The following TMCC3 variants were observed in gnomAD, a reference collection of about 807,000 sequenced individuals.
TMCC3 encodes transmembrane and coiled-coil domain family 3.
Under a neutral mutation model 40.2 loss-of-function variants are expected in TMCC3, and 28 were observed. The ratio of observed to expected loss-of-function variants is 0.70; its 90% CI spans 0.52 to 0.95. The LOEUF (loss-of-function observed/expected upper bound fraction) is 0.95, where lower values mean the gene tolerates loss of function less well. TMCC3 is among the 40% of genes least tolerant of loss of function. The pLI, the probability that TMCC3 is intolerant of heterozygous loss-of-function variation, is 0.00. For synonymous variants in TMCC3, 255 were observed against 248.5 expected (o/e 1.03, Z -0.25); for missense variants, 554 against 615.2 (o/e 0.90, Z 1.05).
At chr12:94,596,047 C>T (rs1193998350) in intron 1 of TMCC3, among the ~76,000 whole-genome samples, 1 of 152,152 alleles carries the variant, frequency 6.6e-6, no homozygotes, top group East Asian at 1.9e-4. Context: ...ATACCCTGTT[C>T]TCTCCCAAAG....
intron 1 of TMCC3, chr12:94,610,132 ACT>A (rs1350266796): frequency 1.3e-5 from 2 of 152,144 alleles, no homozygotes; most frequent in Admixed American, 6.5e-5. Context: ...GCAACGACCT[ACT>A]CTGTATAAGG....
At chr12:94,594,749 C>G (rs2068705445) in intron 1 of TMCC3, among the ~76,000 whole-genome samples, 1 of 152,196 alleles carries the variant, frequency 6.6e-6, no homozygotes, top group South Asian at 2.1e-4. Flanking sequence ...CTGCCCTGCC[C>G]TGGCAGCCCA....
intron 1 of TMCC3, among the ~76,000 whole-genome samples, chr12:94,635,149 C>T (rs1411176562): frequency 6.6e-6 from 1 of 152,180 alleles, no homozygotes; most frequent in Non-Finnish European, 1.5e-5. Flanking sequence ...CAGATCGTTA[C>T]CTACAAATCA....
intron 1 of TMCC3, chr12:94,598,887 C>A: frequency 1.6e-6 from 1 of 610,744 alleles, no homozygotes; most frequent in Non-Finnish European, 2.1e-6. Flanking sequence ...GAACCTAAGT[C>A]TGTATTTGGG....
rs776785787 is a variant in TMCC3, at chr12:94,571,404, TGAAA to T, written c.*27_*30del. On this transcript the variant is annotated 3_prime_UTR_variant, in exon 4 of 4. Transcript: ENST00000261226. ...CAGAGTTTTCTTTAAAATAAAAACTTGAAAGAACTTGAAGGCAGGAACCAGTGGC... is the reference window on the plus strand; with the variant it reads ...CAGAGTTTTCTTTAAAATAAAAACTTGAACTTGAAGGCAGGAACCAGTGGC... 73 of 1,595,024 alleles carry T rather than the reference TGAAA, an allele frequency of 4.6e-5. No homozygotes were observed. Among genetic ancestry groups the T allele is most frequent in the Admixed American group, 3.6e-4 (21 of 57,610 alleles).
At chr12:94,582,965 C>CTTT (rs753900771) in intron 1 of TMCC3, among the ~76,000 whole-genome samples, 9 of 59,950 alleles carry the variant, frequency 1.5e-4, no homozygotes, top group Middle Eastern at 9.4e-3. Context: ...GAAGGAGAAT[C>CTTT]TTTTTTTTTT....
chr12:94,630,760 G>A (rs372581046), intron 1 of TMCC3, among the ~76,000 whole-genome samples: 4 of 152,090 alleles, frequency 2.6e-5, no homozygotes, highest in East Asian at 1.9e-4. Context: ...GCAAAGTCTC[G>A]CTCTGTCGCC....
intron 1 of TMCC3, among the ~76,000 whole-genome samples, chr12:94,637,772 T>C (rs1179743035): frequency 1.3e-5 from 2 of 152,212 alleles, no homozygotes; most frequent in Non-Finnish European, 2.9e-5. Context: ...GGGGATCCTG[T>C]GCAGCAATTA....
chr12:94,582,169 T>C lies in TMCC3; in HGVS notation c.448A>G (p.Arg150Gly), dbSNP rs2068607464. ...LREIEQNGAS[R>G]SSKDISKDHL... ...TCTTTGGAAATGTCCTTTGAGCTCC[T>C]AGAGGCTCCATTCTGCTCGATCTCT... Residue 150 changes from arginine (R) to glycine (G), a missense_variant, in exon 2 of 4, where the codon AGG (arginine) becomes GGG (glycine). Physicochemically the swap from Arg to Gly is moderately radical, Grantham distance 125. Coordinates refer to ENST00000261226, the MANE Select transcript of TMCC3 (RefSeq NM_020698.4). The C allele has an allele frequency of 1.2e-6, 2 of 1,614,044 alleles. No individual in the cohort carries two copies. The highest frequency in any genetic ancestry group is 1.7e-6 in the Non-Finnish European group (2 of 1,180,028).
chr12:94,584,336 G>A (rs993442690), intron 1 of TMCC3, among the ~76,000 whole-genome samples: 1 of 152,212 alleles, frequency 6.6e-6, no homozygotes, highest in Admixed American at 6.5e-5. Context: ...CTCCCGCTCT[G>A]CCTTCCACCA....
Position 94,621,433 on chromosome 12 carries a change from C to T in TMCC3, c.78+28920G>A, listed in dbSNP as rs182965280. Among the ~76,000 whole-genome samples, 45 of 152,306 alleles carry T rather than the reference C, an allele frequency of 3.0e-4. No homozygotes were observed. The East Asian group carries it at 6.9e-3, about 24-fold the overall frequency. ...ATCTGACAGCCGCCTTTCTACCTCCCACCTCCACCCCATTCTTATGTCCAA... is the reference window on the plus strand; with the variant it reads ...ATCTGACAGCCGCCTTTCTACCTCCTACCTCCACCCCATTCTTATGTCCAA... On this transcript the variant is annotated intron_variant, in intron 1 of 3. Transcript: ENST00000261226.
intron 1 of TMCC3, among the ~76,000 whole-genome samples, chr12:94,630,675 T>C (rs78266336): frequency 0.018 from 2,720 of 152,320 alleles, 52 homozygotes; most frequent in East Asian, 0.073. Flanking sequence ...TGGCACTTTT[T>C]AAACAAAAAT....
chr12:94,573,413 G>T (rs533286346), intron 3 of TMCC3, among the ~76,000 whole-genome samples: 1 of 152,216 alleles, frequency 6.6e-6, no homozygotes, highest in African/African-American at 2.4e-5. Flanking sequence ...CACCCAAGCG[G>T]TCTTTTAAGG....
chr12:94,635,520 CACTT>C (rs1406893828), intron 1 of TMCC3, among the ~76,000 whole-genome samples: 2 of 152,192 alleles, frequency 1.3e-5, no homozygotes, highest in African/African-American at 4.8e-5. Flanking sequence ...TGAGAGGTAA[CACTT>C]AGTTCAAAAG....
intron 3 of TMCC3, among the ~76,000 whole-genome samples, chr12:94,574,555 A>C (rs1343824612): frequency 6.6e-6 from 1 of 152,224 alleles, no homozygotes; most frequent in East Asian, 1.9e-4. Flanking sequence ...GGTTTTAAAC[A>C]AGAATAATGG....
chr12:94,594,232 C>CACACACACACAGAG lies in TMCC3; in HGVS notation c.79-11695_79-11694insCTCTGTGTGTGTGT, dbSNP rs1446763750. On this transcript the variant is annotated intron_variant, in intron 1 of 3. Transcript: ENST00000261226. Reference sequence around the variant, plus strand: ...ATATATATATACACACACACACACACAGAGTGAGAGAGAGAGAGGTCTCTC... The same window carrying CACACACACACAGAG: ...ATATATATATACACACACACACACACACACACACACAGAGAGAGTGAGAGAGAGAGAGGTCTCTC... Among the ~76,000 whole-genome samples, 143 of 147,728 alleles carry CACACACACACAGAG rather than the reference C, an allele frequency of 9.7e-4. 1 individual carries two copies. The highest frequency in any genetic ancestry group is 3.6e-3 in the African/African-American group (138 of 37,938).
intron 1 of TMCC3, among the ~76,000 whole-genome samples, chr12:94,624,080 C>T (rs1469546218): frequency 3.3e-5 from 5 of 152,174 alleles, no homozygotes; most frequent in Non-Finnish European, 5.9e-5. Context: ...AACTGCAATA[C>T]GATACCACTT....
intron 1 of TMCC3, among the ~76,000 whole-genome samples, chr12:94,595,561 A>AT (rs1314140227): frequency 6.6e-6 from 1 of 152,178 alleles, no homozygotes; most frequent in Non-Finnish European, 1.5e-5. Flanking sequence ...GGTTTCATTT[A>AT]TTTTTTGGTA....
Position 94,568,340 on chromosome 12 carries a change from T to A in TMCC3, c.*3095A>T, listed in dbSNP as rs959296165. 1.3e-5 allele frequency: 2 copies of A among 149,848 alleles called. No homozygotes were observed. Among genetic ancestry groups the A allele is most frequent in the South Asian group, 4.3e-4 (2 of 4,652 alleles). The allele number at this position is 149,848 out of a possible 1,614,324, so 9.3% of individuals were successfully genotyped here. A position where few individuals can be genotyped will look rare whatever the true frequency, so the allele number is the denominator to read the frequency against. On this transcript the variant is annotated 3_prime_UTR_variant, in exon 4 of 4. Transcript: ENST00000261226. ...AGAGTTTGAGCTTGAAATAACCAAC[T>A]CAAGACCCACAGGAGACTATGTCAC...
Sources: gnomAD v4.1 joint callset for allele counts (sites outside exome capture counted in the v4.1 genomes callset) on GRCh38, gnomAD v4.1.1 for gene constraint, MANE v1.5 for transcripts, NCBI Gene and HGNC (gene_info 2026-07-23, HGNC 2026-07-21) for gene names.